Variants in PPP1R14C observed in about 807,000 individuals in gnomAD.
PPP1R14C encodes the protein protein phosphatase 1 regulatory subunit 14C.
Under a neutral mutation model 20.4 loss-of-function variants are expected in PPP1R14C, and 16 were observed. That is an observed-to-expected ratio of 0.78 (90% CI 0.53 to 1.19). The LOEUF (loss-of-function observed/expected upper bound fraction) is 1.19. Among genes scored for constraint, PPP1R14C ranks in the 50% most tolerant of loss-of-function variants. The pLI is 0.00. For missense variants in PPP1R14C, 211 were observed against 220.1 expected (o/e 0.96, Z 0.26); for synonymous variants, 91 against 91.0 (o/e 1.00, Z 0.00).
At chr6:150,203,455 C>T (rs555707824) in intron 1 of PPP1R14C, among the ~76,000 whole-genome samples, 20 of 152,306 alleles carry the variant, frequency 1.3e-4, no homozygotes, top group South Asian at 1.0e-3. Context: ...GGAGGCCTTG[C>T]GATGGGATTC....
chr6:150,198,326 C>T (rs1025451518), intron 1 of PPP1R14C, among the ~76,000 whole-genome samples: 7 of 150,182 alleles, frequency 4.7e-5, no homozygotes, highest in Non-Finnish European at 8.9e-5. Flanking sequence ...CCTGGATGCC[C>T]GGCTTTGTGT....
At chr6:150,199,999 T>G (rs1168876994) in intron 1 of PPP1R14C, among the ~76,000 whole-genome samples, 5 of 152,146 alleles carry the variant, frequency 3.3e-5, no homozygotes, top group Non-Finnish European at 5.9e-5. Flanking sequence ...ACGAGGAAGG[T>G]AACTCTGTGT....
rs6905409 is a variant in PPP1R14C at position 150,185,194 on chromosome 6, G to T, written c.307-29550G>T. On this transcript the variant is annotated intron_variant, in intron 1 of 3. Coordinates refer to ENST00000361131, the MANE Select transcript of PPP1R14C (RefSeq NM_030949.3). This position sits in a 1 kb window ranked among gnomAD's most constrained non-coding sequence, Gnocchi z 4.1. ...TATTTACTCAACTTCTTTCTTTATCGATTTCCTCATCTATAACATGTCAAC... is the reference window on the plus strand; with the variant it reads ...TATTTACTCAACTTCTTTCTTTATCTATTTCCTCATCTATAACATGTCAAC... Among the ~76,000 whole-genome samples, 3 of 151,842 alleles carry T rather than the reference G, an allele frequency of 2.0e-5. No homozygotes were observed. The highest frequency in any genetic ancestry group is 6.6e-5 in the Admixed American group (1 of 15,256).
At chr6:150,156,907 T>A (rs1188129260) in intron 1 of PPP1R14C, among the ~76,000 whole-genome samples, 1 of 152,230 alleles carries the variant, frequency 6.6e-6, no homozygotes, top group Non-Finnish European at 1.5e-5. Flanking sequence ...TGAAAACTTG[T>A]CTGTACTTAG....
At chr6:150,213,259 G>GC (rs910970974) in intron 1 of PPP1R14C, among the ~76,000 whole-genome samples, 38 of 152,110 alleles carry the variant, frequency 2.5e-4, no homozygotes, top group Non-Finnish European at 4.9e-4. Flanking sequence ...CCCATTGAGG[G>GC]CCTGTTCTTG....
At position 150,249,755 on chromosome 6, in the gene PPP1R14C, G is replaced by C. The variant is rs1778541846; in HGVS notation, c.*935G>C. 2.6e-6 allele frequency: 1 copy of C among 391,332 alleles called. No homozygotes were observed. 24.2% of individuals were successfully genotyped at this position (391,332 alleles called of 1,614,324 possible). On this transcript the variant is annotated 3_prime_UTR_variant, in exon 4 of 4. Coordinates refer to ENST00000361131, the MANE Select transcript of PPP1R14C (RefSeq NM_030949.3). The stretch of plus-strand genomic sequence containing the variant: ...GATCAAAAGAAAGTTAGCAGATCGA[G>C]TGTCTTCTTCCTTAGAAATAGGTTC...
intron 1 of PPP1R14C, among the ~76,000 whole-genome samples, chr6:150,148,132 C>A (rs1269376855): frequency 1.3e-5 from 2 of 152,156 alleles, no homozygotes; most frequent in Non-Finnish European, 2.9e-5. Context: ...TTGTGACCTG[C>A]AATTTTAAAA....
intron 1 of PPP1R14C, among the ~76,000 whole-genome samples, chr6:150,180,170 C>T (rs555559875): frequency 6.6e-6 from 1 of 152,256 alleles, no homozygotes; most frequent in Non-Finnish European, 1.5e-5. Context: ...CCACTGCACC[C>T]CAGCCTGGGT....
intron 1 of PPP1R14C, among the ~76,000 whole-genome samples, chr6:150,210,802 T>G (rs1778014883): frequency 6.6e-6 from 1 of 152,164 alleles, no homozygotes; most frequent in South Asian, 2.1e-4. Flanking sequence ...TCCCTGCTGC[T>G]TTCCCTCAGG....
At chr6:150,186,152 C>T (rs1052796763) in intron 1 of PPP1R14C, among the ~76,000 whole-genome samples, 1 of 152,174 alleles carries the variant, frequency 6.6e-6, no homozygotes, top group East Asian at 1.9e-4. Context: ...AGGAATGCCC[C>T]TTGCCACATC....
intron 1 of PPP1R14C, among the ~76,000 whole-genome samples, chr6:150,150,268 T>TA (rs5880867): frequency 0.62 from 94,698 of 152,040 alleles, 29,797 homozygotes; most frequent in East Asian, 0.86. Flanking sequence ...TTCATTGACT[T>TA]ACTTGCTCCA....
chr6:150,173,462 G>A (rs1050234485), intron 1 of PPP1R14C, among the ~76,000 whole-genome samples: 1 of 152,056 alleles, frequency 6.6e-6, no homozygotes, highest in African/African-American at 2.4e-5. Flanking sequence ...ATGCTGCTCG[G>A]AGAGGCCACT....
chr6:150,164,395 G>T (rs959906231), intron 1 of PPP1R14C, among the ~76,000 whole-genome samples: 8 of 152,132 alleles, frequency 5.3e-5, no homozygotes, highest in Admixed American at 2.0e-4. Flanking sequence ...TTTCCAATTT[G>T]TCAGCTTTTT....
intron 1 of PPP1R14C, among the ~76,000 whole-genome samples, chr6:150,210,402 A>G (rs996720119): frequency 6.6e-6 from 1 of 151,832 alleles, no homozygotes; most frequent in African/African-American, 2.4e-5. Flanking sequence ...CCCTATTATC[A>G]CTATTTTAAA....
Position 150,143,525 on chromosome 6 carries a change from C to T in PPP1R14C, c.306+27C>T, listed in dbSNP as rs544671530. 1 of 603,250 alleles carries T rather than the reference C, an allele frequency of 1.7e-6. No homozygotes were observed. Among genetic ancestry groups the T allele is most frequent in the Non-Finnish European group, 3.0e-6 (1 of 333,128 alleles). 37.4% of individuals were successfully genotyped at this position (603,250 alleles called of 1,614,324 possible). On this transcript the variant is annotated intron_variant, in intron 1 of 3. Coordinates refer to ENST00000361131, the MANE Select transcript of PPP1R14C (RefSeq NM_030949.3). The surrounding 1 kb of genome is among the most constrained non-coding windows in gnomAD (Gnocchi z 5.6). ...TACCTGGGCGCGGGGCTGGGAGGGT[C>T]GGGGACCTCTCTAGCTCCTCTGTGC...
intron 1 of PPP1R14C, chr6:150,164,575 C>T (rs988003885): frequency 8.8e-5 from 15 of 170,786 alleles, no homozygotes; most frequent in Non-Finnish European, 9.2e-5. Flanking sequence ...GTAGAGATTA[C>T]GATTCATGAT....
At chr6:150,225,227 G>T (rs991501696) in intron 3 of PPP1R14C, among the ~76,000 whole-genome samples, 1 of 152,264 alleles carries the variant, frequency 6.6e-6, no homozygotes, top group East Asian at 1.9e-4. Flanking sequence ...TTTTTATCTC[G>T]TCCTGCTGGA....
intron 3 of PPP1R14C, among the ~76,000 whole-genome samples, chr6:150,244,167 C>CT (rs1380101033): frequency 1.0e-5 from 1 of 98,856 alleles, no homozygotes; most frequent in African/African-American, 6.3e-5. Flanking sequence ...AATAAAGCTG[C>CT]TAAAAAAAAA....
At chr6:150,158,595 A>G (rs1202455758) in intron 1 of PPP1R14C, among the ~76,000 whole-genome samples, 1 of 152,264 alleles carries the variant, frequency 6.6e-6, no homozygotes, top group African/African-American at 2.4e-5. Flanking sequence ...GATACATGAT[A>G]ACTATCAGTA....
Sources: allele counts gnomAD v4.1 joint callset (sites outside exome capture counted in the v4.1 genomes callset), GRCh38; gene constraint gnomAD v4.1.1; non-coding constraint Gnocchi (gnomAD v3.1); transcripts MANE v1.5; gene names NCBI Gene and HGNC (gene_info 2026-07-23, HGNC 2026-07-21).